DLGAP2: variants seen among roughly 807,000 people sequenced by gnomAD.
DLGAP2 encodes the protein disks large-associated protein 2.
DLGAP2 carries 26 observed loss-of-function variants against 100.3 expected under a neutral mutation model. The observed-to-expected ratio is 0.26, with a 90% CI of 0.19 to 0.36. The LOEUF (loss-of-function observed/expected upper bound fraction) is 0.36. Among genes scored for constraint, DLGAP2 ranks in the 10% least tolerant of loss-of-function variants. The pLI is 1.00. For synonymous variants in DLGAP2, 886 were observed against 630.1 expected (o/e 1.41, Z -6.08); for missense variants, 1,858 against 1,453.2 (o/e 1.28, Z -4.53).
rs58538720 is a variant in DLGAP2, at chr8:1,225,451, A to T, written c.74-33400A>T. ...AGAGGAGAATGGGGAACGGTCACTTACTAGGGTGGGGTTTCCTTTTGGACT... is the reference window on the plus strand; with the variant it reads ...AGAGGAGAATGGGGAACGGTCACTTTCTAGGGTGGGGTTTCCTTTTGGACT... On this transcript the variant is annotated intron_variant, in intron 2 of 14. Coordinates refer to ENST00000637795, the MANE Select transcript of DLGAP2 (RefSeq NM_001346810.2). Among the ~76,000 whole-genome samples the T allele has an allele frequency of 8.9e-3, 1,351 of 152,350 alleles. 22 individuals are homozygous for T. The highest frequency in any genetic ancestry group is 0.031 in the African/African-American group (1,285 of 41,584).
intron 3 of DLGAP2, among the ~76,000 whole-genome samples, chr8:1,465,974 CAG>C (rs1029400786): frequency 6.6e-6 from 1 of 152,156 alleles, no homozygotes; most frequent in South Asian, 2.1e-4. Context: ...AGTGGGAGGT[CAG>C]AGAGAGACTC....
At chr8:1,100,604 A>G (rs1196559388) in intron 2 of DLGAP2, among the ~76,000 whole-genome samples, 2 of 152,318 alleles carry the variant, frequency 1.3e-5, no homozygotes, top group South Asian at 4.1e-4. Flanking sequence ...GAATTACTCT[A>G]TAAGAAAATG....
chr8:1,203,929 CT>C (rs11289545), intron 2 of DLGAP2, among the ~76,000 whole-genome samples: 86,077 of 151,938 alleles, frequency 0.57, 26,771 homozygotes, highest in African/African-American at 0.83. Context: ...GAGCCTGCCC[CT>C]GGGTGTGTGC....
chr8:864,583 C>A (rs985320180), intron 1 of DLGAP2, among the ~76,000 whole-genome samples: 1 of 152,170 alleles, frequency 6.6e-6, no homozygotes, highest in Non-Finnish European at 1.5e-5. Context: ...CAAGCTACTT[C>A]CACATGATAC....
Position 1,094,519 on chromosome 8 carries a change from A to T in DLGAP2, c.74-164332A>T, listed in dbSNP as rs77636367. 8.2e-3 allele frequency among the ~76,000 whole-genome samples: 1,248 copies of T among 152,316 alleles called. 17 individuals are homozygous for T. The highest frequency in any genetic ancestry group is 0.024 in the Middle Eastern group (7 of 294). On this transcript the variant is annotated intron_variant, in intron 2 of 14. Coordinates refer to ENST00000637795, the MANE Select transcript of DLGAP2 (RefSeq NM_001346810.2). ...AAGTGCTTTTCTCTGTTTTGTGCTG[A>T]GGCTTAAATTTCTCAGTCCTTTGAT... is the stretch of plus-strand genomic sequence containing the variant.
intron 2 of DLGAP2, among the ~76,000 whole-genome samples, chr8:1,170,144 G>A (rs1191636134): frequency 6.6e-6 from 1 of 152,170 alleles, no homozygotes; most frequent in Non-Finnish European, 1.5e-5. Flanking sequence ...AGATAATCAT[G>A]TGGTTTTTGT....
At chr8:1,202,833 G>A (rs62486891) in intron 2 of DLGAP2, among the ~76,000 whole-genome samples, 4 of 152,216 alleles carry the variant, frequency 2.6e-5, no homozygotes, top group Non-Finnish European at 4.4e-5. Context: ...GATGCAGCTC[G>A]AGGAAAAAGC....
intron 1 of DLGAP2, among the ~76,000 whole-genome samples, chr8:902,992 G>GA (rs1798293004): frequency 1.0e-5 from 1 of 98,442 alleles, no homozygotes; most frequent in East Asian, 3.9e-4. Flanking sequence ...GGGCGGGGGG[G>GA]CGGAAAGTGT....
At chr8:937,285 A>T (rs957138179) in intron 2 of DLGAP2, among the ~76,000 whole-genome samples, 5 of 152,188 alleles carry the variant, frequency 3.3e-5, no homozygotes, top group Non-Finnish European at 1.5e-5. Flanking sequence ...TGGATTCAAA[A>T]ACATGCCCAT....
At chr8:1,553,733 G>A (rs559912001) in intron 5 of DLGAP2, among the ~76,000 whole-genome samples, 4 of 152,114 alleles carry the variant, frequency 2.6e-5, no homozygotes, top group African/African-American at 7.2e-5. Flanking sequence ...GACGTGTTGC[G>A]GGTCCCATCA....
chr8:814,850 C>CA (rs34412684), intron 1 of DLGAP2, among the ~76,000 whole-genome samples: 24,955 of 61,616 alleles, frequency 0.41, 5,223 homozygotes, highest in East Asian at 0.5. Flanking sequence ...GACTCCGTCT[C>CA]AAAAAAAAAA....
chr8:1,301,858 CG>C (rs1313042402), intron 3 of DLGAP2: 1 of 152,284 alleles, frequency 6.6e-6, no homozygotes, highest in Non-Finnish European at 1.5e-5. Context: ...AGAGGCAGCG[CG>C]GGAGGCCCCC....
intron 2 of DLGAP2, among the ~76,000 whole-genome samples, chr8:1,212,384 C>G (rs1202691633): frequency 6.6e-6 from 1 of 152,200 alleles, no homozygotes; most frequent in African/African-American, 2.4e-5. Flanking sequence ...TAAGAGAACT[C>G]CAGGTTATGG....
intron 12 of DLGAP2, among the ~76,000 whole-genome samples, chr8:1,687,178 T>G (rs1044162339): frequency 6.6e-6 from 1 of 152,204 alleles, no homozygotes; most frequent in Admixed American, 6.5e-5. Context: ...CATTTCCGAC[T>G]CTCTGCAAAT....
intron 3 of DLGAP2, among the ~76,000 whole-genome samples, chr8:1,291,231 T>A (rs1193599792): frequency 1.3e-5 from 2 of 152,160 alleles, no homozygotes; most frequent in African/African-American, 4.8e-5. Context: ...ATTCACAGAA[T>A]GGATGGAAAA....
chr8:794,361 A>G (rs982208987), intron 1 of DLGAP2, among the ~76,000 whole-genome samples: 2 of 152,174 alleles, frequency 1.3e-5, no homozygotes, highest in Non-Finnish European at 2.9e-5. Flanking sequence ...GAGGTGGGAA[A>G]TCAGGGTTCT....
chr8:822,554 G>A (rs7464443), intron 1 of DLGAP2, among the ~76,000 whole-genome samples: 6,148 of 152,334 alleles, frequency 0.04, 186 homozygotes, highest in African/African-American at 0.078. Flanking sequence ...CAGAGAGTAG[G>A]AGCAGGGCCA....
chr8:1,641,948 C>T (rs1208197006), intron 8 of DLGAP2, among the ~76,000 whole-genome samples: 1 of 119,640 alleles, frequency 8.4e-6, no homozygotes, highest in South Asian at 3.1e-4. Flanking sequence ...CCCCGCCGGT[C>T]CTCACCTGTG....
intron 1 of DLGAP2, among the ~76,000 whole-genome samples, chr8:816,618 G>A (rs185526658): frequency 6.6e-6 from 1 of 152,124 alleles, no homozygotes; most frequent in African/African-American, 2.4e-5. Flanking sequence ...TCCTTTATAG[G>A]TTAGCTGATG....
Sources: gnomAD v4.1 joint callset for allele counts (sites outside exome capture counted in the v4.1 genomes callset) on GRCh38, gnomAD v4.1.1 for gene constraint, MANE v1.5 for transcripts, NCBI Gene and HGNC (gene_info 2026-07-23, HGNC 2026-07-21) for gene names.